CD109: variants seen among roughly 807,000 people sequenced by gnomAD.
CD109 encodes CD109 molecule.
In CD109, 149 loss-of-function variants were observed where a neutral mutation model predicts 165.8. The ratio of observed to expected loss-of-function variants is 0.90; its 90% CI spans 0.79 to 1.03. The LOEUF (loss-of-function observed/expected upper bound fraction) is 1.03, where lower values mean the gene tolerates loss of function less well. Ranked by LOEUF, CD109 falls within the 50% of genes least tolerant of loss-of-function variation. The probability of loss-of-function intolerance (pLI) is 0.00; values close to 1 mark genes in which losing one functional copy is unlikely to be tolerated. For synonymous variants in CD109, 585 were observed against 592.1 expected (o/e 0.99, Z 0.18); for missense variants, 1,712 against 1,677.8 (o/e 1.02, Z -0.36).
chr6:73,756,033 A>G (rs1225078738), intron 5 of CD109, among the ~76,000 whole-genome samples: 1 of 152,170 alleles, frequency 6.6e-6, no homozygotes, highest in Non-Finnish European at 1.5e-5. Context: ...ATACGATAAT[A>G]GCCCACGTTT....
intron 4 of CD109, among the ~76,000 whole-genome samples, chr6:73,732,127 T>G (rs1000255429): frequency 6.6e-6 from 1 of 152,178 alleles, no homozygotes; most frequent in Admixed American, 6.5e-5. Context: ...CTGGGATGCC[T>G]CTGATTTTAA....
intron 5 of CD109, among the ~76,000 whole-genome samples, chr6:73,753,339 A>C (rs1332394807): frequency 2.0e-5 from 3 of 152,184 alleles, no homozygotes; most frequent in African/African-American, 7.2e-5. Context: ...ATGGCTATTA[A>C]TTCTCTGAAT....
At chr6:73,810,388 G>A (rs113352916) in intron 27 of CD109, among the ~76,000 whole-genome samples, 1 of 150,888 alleles carries the variant, frequency 6.6e-6, no homozygotes, top group Non-Finnish European at 1.5e-5. Flanking sequence ...AGGCTAAATT[G>A]ATTAATTTTA....
chr6:73,782,070 A>G (rs118177630), intron 17 of CD109, among the ~76,000 whole-genome samples: 1,847 of 152,280 alleles, frequency 0.012, 26 homozygotes, highest in Non-Finnish European at 0.017. Context: ...AGGCTTCTAG[A>G]ACTGTCACAG....
chr6:73,817,750 C>T (rs370079491), intron 30 of CD109, among the ~76,000 whole-genome samples: 4 of 152,246 alleles, frequency 2.6e-5, no homozygotes, highest in East Asian at 3.9e-4. Context: ...TCCTTTGATG[C>T]TCACATCACG....
chr6:73,696,425 G>T (rs1770845665), intron 1 of CD109, 136 bp downstream of exon 1: 1 of 647,194 alleles, frequency 1.5e-6, no homozygotes, highest in African/African-American at 1.9e-5. Flanking sequence ...GCAGTCCCCA[G>T]CCTGGTACTG....
chr6:73,769,785 G>T (rs1773973320), intron 14 of CD109, among the ~76,000 whole-genome samples: 1 of 152,176 alleles, frequency 6.6e-6, no homozygotes, highest in Non-Finnish European at 1.5e-5. Flanking sequence ...GAAGTACAAG[G>T]TCTAAGACTG....
chr6:73,816,264 G>A (rs1295195297), intron 30 of CD109, among the ~76,000 whole-genome samples: 1 of 152,102 alleles, frequency 6.6e-6, no homozygotes, highest in East Asian at 1.9e-4. Context: ...AAAAAAGTAG[G>A]ACTCCAATTA....
chr6:73,774,300 T>A (rs1465481492), intron 15 of CD109, among the ~76,000 whole-genome samples: 1 of 152,194 alleles, frequency 6.6e-6, no homozygotes, highest in Non-Finnish European at 1.5e-5. Context: ...AGGCTGAGCA[T>A]AAGGTTCCAA....
chr6:73,759,072 A>G, intron 7 of CD109, 44 bp downstream of exon 7: 1 of 1,278,850 alleles, frequency 7.8e-7, no homozygotes, highest in Non-Finnish European at 1.1e-6. Context: ...ACCATTATAA[A>G]ACTGTGTGAC....
intron 32 of CD109, among the ~76,000 whole-genome samples, chr6:73,821,280 A>T (rs993596648): frequency 6.6e-6 from 1 of 152,182 alleles, no homozygotes; most frequent in Admixed American, 6.5e-5. Flanking sequence ...CACGTTGTGC[A>T]CATGTACCCT....
At chr6:73,738,530 A>T (rs1330151815) in intron 5 of CD109, among the ~76,000 whole-genome samples, 2 of 152,198 alleles carry the variant, frequency 1.3e-5, no homozygotes, top group Non-Finnish European at 2.9e-5. Context: ...AGAGAGGGGG[A>T]TAGAATAGCA....
intron 5 of CD109, among the ~76,000 whole-genome samples, chr6:73,752,908 C>T (rs957663505): frequency 1.3e-5 from 2 of 152,186 alleles, no homozygotes; most frequent in African/African-American, 4.8e-5. Flanking sequence ...AAAATTGTTT[C>T]ATAAGAGAAA....
At chr6:73,733,670 G>A (rs1772446064) in intron 4 of CD109, among the ~76,000 whole-genome samples, 1 of 152,138 alleles carries the variant, frequency 6.6e-6, no homozygotes, top group African/African-American at 2.4e-5. Flanking sequence ...TAGGGGAACA[G>A]GTGTTATTGG....
At chr6:73,799,371 C>T (rs1775284678) in intron 23 of CD109, among the ~76,000 whole-genome samples, 1 of 152,160 alleles carries the variant, frequency 6.6e-6, no homozygotes, top group South Asian at 2.1e-4. Flanking sequence ...TTCTTTCTCC[C>T]TACCTCTCAT....
chr6:73,746,916 G>C (rs1283764000), intron 5 of CD109, among the ~76,000 whole-genome samples: 1 of 152,136 alleles, frequency 6.6e-6, no homozygotes, highest in Non-Finnish European at 1.5e-5. Flanking sequence ...ACTGTCTCCT[G>C]GGGAGGTTCT....
At chr6:73,753,148 A>G (rs1773256947) in intron 5 of CD109, among the ~76,000 whole-genome samples, 1 of 152,210 alleles carries the variant, frequency 6.6e-6, no homozygotes, top group Non-Finnish European at 1.5e-5. Context: ...TTTGTTTACA[A>G]ATTGTGTCTG....
chr6:73,710,699 A>G (rs928821968), intron 2 of CD109, among the ~76,000 whole-genome samples: 6 of 152,116 alleles, frequency 3.9e-5, no homozygotes, highest in Non-Finnish European at 5.9e-5. Context: ...CTGATGACTC[A>G]TTTTGGCTTA....
intron 26 of CD109, among the ~76,000 whole-genome samples, chr6:73,809,453 T>G (rs73755044): frequency 6.6e-6 from 1 of 152,290 alleles, no homozygotes; most frequent in African/African-American, 2.4e-5. Context: ...TATTTAGTCT[T>G]GAGCCAAATA....
Sources: gnomAD v4.1 joint callset for allele counts (sites outside exome capture counted in the v4.1 genomes callset) on GRCh38, gnomAD v4.1.1 for gene constraint, MANE v1.5 for transcripts, NCBI Gene and HGNC (gene_info 2026-07-23, HGNC 2026-07-21) for gene names.